The following MTHFD2L variants were observed in gnomAD, a reference collection of about 807,000 sequenced individuals.
The protein encoded by MTHFD2L is bifunctional methylenetetrahydrofolate dehydrogenase/cyclohydrolase 2, mitochondrial.
MTHFD2L carries 29 observed loss-of-function variants against 34.9 expected under a neutral mutation model. That is an observed-to-expected ratio of 0.83 (90% CI 0.62 to 1.13). MTHFD2L has a LOEUF of 1.13. Ranked by LOEUF, MTHFD2L falls within the 50% of genes most tolerant of loss-of-function variation. MTHFD2L has a pLI of 0.00. For missense variants in MTHFD2L, 481 were observed against 446.5 expected (o/e 1.08, Z -0.70); for synonymous variants, 167 against 155.7 (o/e 1.07, Z -0.54).
chr4:74,267,082 A>T, intron 6 of MTHFD2L: 1 of 985,266 alleles, frequency 1.0e-6, no homozygotes, highest in Non-Finnish European at 1.2e-6. Context: ...CCTTTTACAC[A>T]CTGAGCTTGG....
intron 3 of MTHFD2L, among the ~76,000 whole-genome samples, chr4:74,186,104 A>G (rs543963266): frequency 1.6e-3 from 238 of 152,246 alleles, no homozygotes; most frequent in African/African-American, 5.4e-3. Context: ...ATTTTACCAT[A>G]TTAACAAGCT....
chr4:74,251,615 C>T (rs1333270448), intron 6 of MTHFD2L, among the ~76,000 whole-genome samples: 1 of 152,176 alleles, frequency 6.6e-6, no homozygotes, highest in Non-Finnish European at 1.5e-5. Flanking sequence ...CATGCCCTCA[C>T]TTCCACAAAT....
chr4:74,241,422 C>G (rs923424399), intron 6 of MTHFD2L: 1 of 164,564 alleles, frequency 6.1e-6, no homozygotes, highest in African/African-American at 2.4e-5. Flanking sequence ...TTTATAGGGT[C>G]TCTCTCTATT....
chr4:74,152,751 G>A (rs949071829), intron 1 of MTHFD2L, among the ~76,000 whole-genome samples: 5 of 152,016 alleles, frequency 3.3e-5, no homozygotes, highest in Admixed American at 6.6e-5. Context: ...TTCAACTCGC[G>A]CTTATGCATG....
chr4:74,280,982 C>T (rs910063107), intron 6 of MTHFD2L, among the ~76,000 whole-genome samples: 6 of 151,900 alleles, frequency 3.9e-5, no homozygotes, highest in Non-Finnish European at 7.4e-5. Flanking sequence ...CCCCTCCCTT[C>T]CTTTCTATCT....
chr4:74,220,509 T>C (rs543101376), intron 5 of MTHFD2L, among the ~76,000 whole-genome samples: 7 of 152,082 alleles, frequency 4.6e-5, no homozygotes, highest in African/African-American at 1.4e-4. Context: ...ATATTTTTAA[T>C]GAATATAGGT....
chr4:74,199,196 G>A (rs1733986272), intron 3 of MTHFD2L, among the ~76,000 whole-genome samples: 2 of 151,968 alleles, frequency 1.3e-5, no homozygotes, highest in Admixed American at 6.6e-5. Flanking sequence ...TACTCAGGTT[G>A]TGTTCTTTTT....
intron 1 of MTHFD2L, among the ~76,000 whole-genome samples, chr4:74,139,260 C>A (rs1349517744): frequency 6.6e-6 from 1 of 152,024 alleles, no homozygotes; most frequent in African/African-American, 2.4e-5. Flanking sequence ...AAAGGTGATA[C>A]CCTAGGGGAT....
chr4:74,213,414 A>G (rs1736679388), intron 5 of MTHFD2L, among the ~76,000 whole-genome samples: 1 of 152,118 alleles, frequency 6.6e-6, no homozygotes, highest in Non-Finnish European at 1.5e-5. Flanking sequence ...ATCTCTCAGC[A>G]TTTGCTTATC....
chr4:74,125,829 T>G (rs1054966788), intron 1 of MTHFD2L, among the ~76,000 whole-genome samples: 1 of 152,194 alleles, frequency 6.6e-6, no homozygotes, highest in South Asian at 2.1e-4. Flanking sequence ...TTACTTGTAT[T>G]TAGAAATAAG....
intron 7 of MTHFD2L, among the ~76,000 whole-genome samples, chr4:74,292,119 G>GATGGTCACT (rs1435169065): frequency 6.6e-6 from 1 of 152,192 alleles, no homozygotes. Flanking sequence ...TAGAACCACT[G>GATGGTCACT]ATGGTCACTA....
chr4:74,230,191 GT>G (rs1189080362), intron 6 of MTHFD2L, among the ~76,000 whole-genome samples: 1 of 152,166 alleles, frequency 6.6e-6, no homozygotes, highest in East Asian at 1.9e-4. Context: ...TCATAAAGTA[GT>G]TGCTAAAGCA....
chr4:74,249,579 TG>T (rs1291051171), intron 6 of MTHFD2L, among the ~76,000 whole-genome samples: 1 of 152,204 alleles, frequency 6.6e-6, no homozygotes, highest in Non-Finnish European at 1.5e-5. Context: ...CTAATCTTGA[TG>T]GTCTTTACAT....
At chr4:74,225,233 T>C (rs1738951819) in intron 5 of MTHFD2L, 69 bp from the exon 6 acceptor site, 1 of 1,169,640 alleles carries the variant, frequency 8.5e-7, no homozygotes, top group Admixed American at 2.0e-5. Flanking sequence ...GAAACTCTTC[T>C]GGATTTAGAG....
At chr4:74,257,920 A>G (rs527925526) in intron 6 of MTHFD2L, among the ~76,000 whole-genome samples, 7 of 152,188 alleles carry the variant, frequency 4.6e-5, no homozygotes, top group Admixed American at 4.6e-4. Flanking sequence ...TTTCTTAGTG[A>G]GCAAAAGACT....
rs981459485 is a variant in MTHFD2L, at chr4:74,248,374, A to T, written c.805+22980A>T. 4.0e-5 allele frequency among the ~76,000 whole-genome samples: 6 copies of T among 151,684 alleles called. No individual in the cohort carries two copies. In the East Asian group the frequency reaches 1.2e-3, roughly 29 times the overall value. On this transcript the variant is annotated intron_variant, in intron 6 of 7. Transcript: ENST00000325278. ...CGTCTATTTGATTCTTCTCTCTTTT[A>T]TTCTTTATTAGTCTTGCTAGCAGTC...
upstream of MTHFD2L, among the ~76,000 whole-genome samples, chr4:74,153,753 A>G (rs1388050087): frequency 1.3e-5 from 2 of 152,200 alleles, no homozygotes; most frequent in African/African-American, 2.4e-5. Flanking sequence ...TAGACATTTT[A>G]AAAAATAGAC....
intron 6 of MTHFD2L, among the ~76,000 whole-genome samples, chr4:74,269,927 C>A (rs898437342): frequency 6.6e-6 from 1 of 151,988 alleles, no homozygotes; most frequent in African/African-American, 2.4e-5. Flanking sequence ...CTAAAGAAAA[C>A]AAAATACAGA....
At chr4:74,293,626 T>A in intron 7 of MTHFD2L, 1 of 558,390 alleles carries the variant, frequency 1.8e-6, no homozygotes. Context: ...CCAAGTTCAA[T>A]GGCAAGCTAC....
Sources: gnomAD v4.1 joint callset for allele counts (sites outside exome capture counted in the v4.1 genomes callset) on GRCh38, gnomAD v4.1.1 for gene constraint, MANE v1.5 for transcripts, NCBI Gene and HGNC (gene_info 2026-07-23, HGNC 2026-07-21) for gene names.